The following BRD2 variants were observed in gnomAD, a reference collection of about 807,000 sequenced individuals.
The protein encoded by BRD2 is bromodomain-containing protein 2.
In BRD2, 15 loss-of-function variants were observed where a neutral mutation model predicts 79.1. The observed-to-expected ratio is 0.19, with a 90% CI of 0.13 to 0.29. The LOEUF (loss-of-function observed/expected upper bound fraction) is 0.29, where lower values mean the gene tolerates loss of function less well. Among genes scored for constraint, BRD2 ranks in the 10% least tolerant of loss-of-function variants. BRD2 has a pLI of 1.00. For synonymous variants in BRD2, 488 were observed against 358.6 expected, an observed-to-expected ratio of 1.36 and a Z score of -4.08; for missense variants, 1,053 against 991.3, an observed-to-expected ratio of 1.06 and a Z score of -0.84.
chr6:32,976,239 C>A lies in BRD2; in HGVS notation c.611-11C>A. 1 of 1,608,240 alleles carries A rather than the reference C, an allele frequency of 6.2e-7. No homozygotes were observed. Among genetic ancestry groups the A allele is most frequent in the Non-Finnish European group, 8.5e-7 (1 of 1,177,930 alleles). On this transcript the variant is annotated splice_polypyrimidine_tract_variant and intron_variant, in intron 5 of 12. Coordinates refer to ENST00000374825, the MANE Select transcript of BRD2 (RefSeq NM_005104.4). The stretch of plus-strand genomic sequence containing the variant: ...AAGAGAATCAAACTACACTTTTTTC[C>A]TTTTTTCTAGCGCTCCAGGGCAGTG...
Position 32,976,323 on chromosome 6 carries a change from T to G in BRD2, c.684T>G (p.Thr228=). The stretch of plus-strand genomic sequence containing the variant: ...CTGTGTCACACACAGCCCTGTATAC[T>G]CCTCCACCTGAGATACCTACCACTG... ...VSSVSHTALY[T]PPPEIPTTVL... is the part of the protein sequence containing the mutation. The change falls in exon 6 of 13, where the codon ACT becomes ACG. Residue 228 remains threonine (T), a synonymous_variant. Transcript: ENST00000374825. 1 of 1,612,974 alleles carries G rather than the reference T, an allele frequency of 6.2e-7. No homozygotes were observed. The highest frequency in any genetic ancestry group is 1.1e-5 in the South Asian group (1 of 91,080).
At chr6:32,973,022 C>T in intron 2 of BRD2, 95 bp downstream of exon 2, 4 of 1,612,538 alleles carry the variant, frequency 2.5e-6, no homozygotes, top group Non-Finnish European at 3.4e-6. Context: ...GCGGCCCCGG[C>T]GCGCTGCTGT....
At position 32,971,801 on chromosome 6, in the gene BRD2, T is replaced by C; in HGVS notation, c.-1098T>C. ...GCATGGAAGCTTGGGAAGACTTTGT[T>C]GGAAGGGGAGGCGGGGAGAGAGTGC... is the stretch of plus-strand genomic sequence containing the variant. On this transcript the variant is annotated 5_prime_UTR_variant, in exon 2 of 13. Transcript: ENST00000374825. 3.1e-6 allele frequency: 2 copies of C among 637,230 alleles called. No homozygotes were observed. The highest frequency in any genetic ancestry group is 3.5e-5 in the South Asian group (2 of 57,198). 39.5% of individuals were successfully genotyped at this position (637,230 alleles called of 1,614,324 possible).
rs1778491186 is a variant in BRD2, at chr6:32,974,687, A to G, written c.255A>G (p.Val85=). 1.9e-6 allele frequency: 3 copies of G among 1,614,132 alleles called. No individual in the cohort carries two copies. Among genetic ancestry groups the G allele is most frequent in the South Asian group, 2.2e-5 (2 of 91,088 alleles). The change falls in exon 3 of 13, where the codon GTA becomes GTG. Residue 85 remains valine, a synonymous_variant. Transcript: ENST00000374825. The stretch of plus-strand genomic sequence containing the variant: ...ACCAGCTGCAATACCTACACAAGGT[A>G]GTGATGAAGGCTCTGTGGAAACATC... ...VTNQLQYLHK[V]VMKALWKHQF...
Position 32,972,548 on chromosome 6 carries a change from C to G in BRD2, c.-351C>G. The G allele has an allele frequency of 2.5e-6, 1 of 399,334 alleles. No homozygotes were observed. The highest frequency in any genetic ancestry group is 4.5e-6 in the Non-Finnish European group (1 of 219,974). 24.7% of individuals were successfully genotyped at this position (399,334 alleles called of 1,614,324 possible). A position where few individuals can be genotyped will look rare whatever the true frequency, so the allele number is the denominator to read the frequency against. On this transcript the variant is annotated 5_prime_UTR_variant, in exon 2 of 13. Coordinates refer to ENST00000374825, the MANE Select transcript of BRD2 (RefSeq NM_005104.4). ...CCTCGTCGGCCCCGTAGGGGCCCGA[C>G]AAGAAGAGGGAATCCCTGCAGACCA...
Position 32,977,930 on chromosome 6 carries a change from C to G in BRD2, c.1503C>G (p.Asp501Glu), listed in dbSNP as rs200103856. 1.2e-6 allele frequency: 2 copies of G among 1,610,644 alleles called. No homozygotes were observed. Among genetic ancestry groups the G allele is most frequent in the Non-Finnish European group, 1.7e-6 (2 of 1,178,518 alleles). ...AAGAGGAGGAGGAAGATGAGGAGGA[C>G]GAGGAGGAAGAAGAGAGTGAAAGCT... ...SEEEEEEDEE[D>E]EEEEESESSD... is the part of the protein sequence containing the mutation. The change falls in exon 9 of 13, where the codon GAC becomes GAG. Residue 501 changes from aspartate (D) to glutamate (E), a missense_variant. Coordinates refer to ENST00000374825, the MANE Select transcript of BRD2 (RefSeq NM_005104.4).
Position 32,976,406 on chromosome 6 carries a change from C to T in BRD2, c.767C>T (p.Ser256Phe), listed in dbSNP as rs771412845. 9.3e-6 allele frequency: 15 copies of T among 1,612,682 alleles called. No individual in the cohort carries two copies. Among genetic ancestry groups the T allele is most frequent in the Middle Eastern group, 1.6e-4 (1 of 6,084 alleles). ...TCTCCACTTCTCAAGTCCTTGCACT[C>T]TGCTGGACCCCCGCTCCTTGCTGTT... is the stretch of plus-strand genomic sequence containing the variant. ...ISSPLLKSLH[S>F]AGPPLLAVTA... Residue 256 changes from serine (S) to phenylalanine (F), a missense_variant, in exon 6 of 13, where the codon TCT (serine) becomes TTT (phenylalanine). Ser to Phe is a radical substitution (Grantham distance 155, BLOSUM62 -2). Around this residue, in one of 5 missense-constraint regions of BRD2, gnomAD observed 413 missense variants for 335.1 expected, o/e 1.23. Transcript: ENST00000374825.
intron 8 of BRD2, 33 bp from the exon 9 acceptor site, chr6:32,977,724 T>C: frequency 1.2e-6 from 2 of 1,612,072 alleles, no homozygotes; most frequent in South Asian, 1.1e-5. Context: ...GCACTGTTTA[T>C]CAGCATAGTT....
At position 32,978,354 on chromosome 6, in the gene BRD2, T is replaced by A. The variant is rs1207861939; in HGVS notation, c.1807T>A (p.Ser603Thr). ...GGGTGGCAGTGCTGCTTTAGGCCCT[T>A]CTGGCTTTGGACCTTCTGGAGGAAG... ...SGGGSAALGP[S>T]GFGPSGGSGT... Residue 603 changes from serine to threonine, a missense_variant, in exon 10 of 13, where the codon TCT becomes ACT. Coordinates refer to ENST00000374825, the MANE Select transcript of BRD2 (RefSeq NM_005104.4). 1.2e-6 allele frequency: 2 copies of A among 1,612,944 alleles called. No homozygotes were observed. Among genetic ancestry groups the A allele is most frequent in the Non-Finnish European group, 1.7e-6 (2 of 1,179,980 alleles).
At position 32,976,638 on chromosome 6, in the gene BRD2, G is replaced by C; in HGVS notation, c.902G>C (p.Ser301Thr). 1 of 1,612,236 alleles carries C rather than the reference G, an allele frequency of 6.2e-7. No homozygotes were observed. Among genetic ancestry groups the C allele is most frequent in the South Asian group, 1.1e-5 (1 of 91,084 alleles). The change falls in exon 7 of 13, where the codon AGC becomes ACC. Residue 301 changes from serine to threonine, a missense_variant. This residue lies in a region of BRD2 where 454 missense variants were observed against 430.5 expected (regional missense o/e 1.05). Coordinates refer to ENST00000374825, the MANE Select transcript of BRD2 (RefSeq NM_005104.4). ...ATCTTGGCTCCTGGTTCTCCAGCTA[G>C]CCCTCCTGGGAGTCTTGAGCCTAAG... Reference protein sequence around the residue: ...TAILAPGSPASPPGSLEPKAA... With the variant: ...TAILAPGSPATPPGSLEPKAA...
intron 2 of BRD2, among the ~76,000 whole-genome samples, chr6:32,974,225 C>T (rs1157608364): frequency 6.6e-6 from 1 of 152,020 alleles, no homozygotes; most frequent in Non-Finnish European, 1.5e-5. Context: ...ACAGATAGAG[C>T]CTATCAGACT....
intron 7 of BRD2, 179 bp from the exon 8 acceptor site, chr6:32,977,263 T>C: frequency 6.5e-7 from 1 of 1,550,120 alleles, no homozygotes; most frequent in Non-Finnish European, 8.7e-7. Context: ...TTTCTAGACA[T>C]AAATATTTCT....
At position 32,981,462 on chromosome 6, in the gene BRD2, T is replaced by G. The variant is rs1205568550; in HGVS notation, c.*744T>G. On this transcript the variant is annotated 3_prime_UTR_variant, in exon 13 of 13. Transcript: ENST00000374825. Reference sequence around the variant, plus strand: ...GTCTTAATTTTTAAACCAGTAGGCTTTTGCTGTGTTTTTAATAAAGTAAAT... The same window carrying G: ...GTCTTAATTTTTAAACCAGTAGGCTGTTGCTGTGTTTTTAATAAAGTAAAT... 1.3e-5 allele frequency: 2 copies of G among 152,186 alleles called. No homozygotes were observed. The highest frequency in any genetic ancestry group is 2.9e-5 in the Non-Finnish European group (2 of 68,030). 9.4% of individuals were successfully genotyped at this position (152,186 alleles called of 1,614,324 possible). A position where few individuals can be genotyped will look rare whatever the true frequency, so the allele number is the denominator to read the frequency against.
Position 32,980,564 on chromosome 6 carries a change from T to C in BRD2, c.2270-18T>C, listed in dbSNP as rs1297061661. 2 of 1,612,902 alleles carry C rather than the reference T, an allele frequency of 1.2e-6. No homozygotes were observed. Among genetic ancestry groups the C allele is most frequent in the Non-Finnish European group, 1.7e-6 (2 of 1,179,978 alleles). ...GATTCAGACTTGAACGTCTTTAACT[T>C]TCGAATTTGTTCTGCAGCGAATGAG... is the stretch of plus-strand genomic sequence containing the variant. On this transcript the variant is annotated intron_variant, in intron 12 of 12. Coordinates refer to ENST00000374825, the MANE Select transcript of BRD2 (RefSeq NM_005104.4).
chr6:32,978,564 A>G, intron 10 of BRD2, 176 bp downstream of exon 10: 1 of 1,038,506 alleles, frequency 9.6e-7, no homozygotes, highest in Non-Finnish European at 1.4e-6. Flanking sequence ...AGATTTTACC[A>G]CAGACAGGGT....
At position 32,972,233 on chromosome 6, in the gene BRD2, G is replaced by C. The variant is rs1349140978; in HGVS notation, c.-666G>C. 1 of 491,168 alleles carries C rather than the reference G, an allele frequency of 2.0e-6. No individual in the cohort carries two copies. The highest frequency in any genetic ancestry group is 4.0e-5 in the East Asian group (1 of 25,052). The allele number at this position is 491,168 out of a possible 1,614,324, so 30.4% of individuals were successfully genotyped here. On this transcript the variant is annotated 5_prime_UTR_variant, in exon 2 of 13. Transcript: ENST00000374825. ...GCTGGAGTGGAGCAGCCTCTAGAACGAGCTGGAGGATTCTGCCTACCGATA... is the reference window on the plus strand; with the variant it reads ...GCTGGAGTGGAGCAGCCTCTAGAACCAGCTGGAGGATTCTGCCTACCGATA...
intron 10 of BRD2, 171 bp downstream of exon 10, chr6:32,978,559 T>C: frequency 9.2e-7 from 1 of 1,081,590 alleles, no homozygotes; most frequent in Non-Finnish European, 1.3e-6. Context: ...AAGACAGATT[T>C]TACCACAGAC....
At position 32,976,317 on chromosome 6, in the gene BRD2, G is replaced by C. The variant is rs15912; in HGVS notation, c.678G>C (p.Leu226=). 0.082 allele frequency: 131,615 copies of C among 1,612,930 alleles called. 5,941 individuals carry two copies. Among genetic ancestry groups the C allele is most frequent in the Non-Finnish European group, 0.091 (107,682 of 1,179,974 alleles). The change falls in exon 6 of 13, where the codon CTG becomes CTC. Residue 226 remains leucine, a synonymous_variant. Coordinates refer to ENST00000374825, the MANE Select transcript of BRD2 (RefSeq NM_005104.4). ...TCTCTTCTGTGTCACACACAGCCCT[G>C]TATACTCCTCCACCTGAGATACCTA... ...PAVSSVSHTA[L]YTPPPEIPTT... is the part of the protein sequence containing the mutation.
At chr6:32,973,247 T>C in intron 2 of BRD2, 1 of 1,228,196 alleles carries the variant, frequency 8.1e-7, no homozygotes, top group Non-Finnish European at 1.1e-6. Flanking sequence ...TTGGTGGGTC[T>C]GGTATCTAGC....
Sources: gnomAD v4.1 joint callset for allele counts (sites outside exome capture counted in the v4.1 genomes callset) on GRCh38, gnomAD v4.1.1 for gene constraint, gnomAD v4.1.1 regional missense constraint, MANE v1.5 for transcripts, NCBI Gene and HGNC (gene_info 2026-07-23, HGNC 2026-07-21) for gene names.